The following TOX variants were observed in gnomAD, a reference collection of about 807,000 sequenced individuals.
TOX encodes thymocyte selection associated high mobility group box, also known as thymocyte selection-associated high mobility group box protein TOX.
TOX carries 11 observed loss-of-function variants against 53.7 expected under a neutral mutation model. The observed-to-expected ratio is 0.20, with a 90% CI of 0.13 to 0.34. The LOEUF is 0.34. Among genes scored for constraint, TOX ranks in the 10% least tolerant of loss-of-function variants. The pLI is 1.00. For synonymous variants in TOX, 225 were observed against 245.3 expected, an observed-to-expected ratio of 0.92 and a Z score of 0.77; for missense variants, 570 against 664.6, an observed-to-expected ratio of 0.86 and a Z score of 1.56.
At chr8:58,993,476 C>A (rs2129417553) in intron 1 of TOX, among the ~76,000 whole-genome samples, 1 of 152,254 alleles carries the variant, frequency 6.6e-6, no homozygotes, top group Admixed American at 6.5e-5. Flanking sequence ...AATCATTGCG[C>A]CAGACTGGGA....
chr8:59,071,152 G>A (rs1314900086), intron 1 of TOX, among the ~76,000 whole-genome samples: 1 of 152,138 alleles, frequency 6.6e-6, no homozygotes, highest in East Asian at 1.9e-4. Context: ...TAAAGTTAAC[G>A]CAGGTTTAGT....
intron 1 of TOX, among the ~76,000 whole-genome samples, chr8:59,043,521 C>T (rs768980754): frequency 3.3e-5 from 5 of 152,014 alleles, no homozygotes; most frequent in African/African-American, 4.8e-5. Flanking sequence ...TATAGCTAAA[C>T]TAATGTTCAT....
chr8:58,878,717 A>AT (rs975548829), intron 3 of TOX, among the ~76,000 whole-genome samples: 4 of 152,168 alleles, frequency 2.6e-5, no homozygotes, highest in African/African-American at 9.7e-5. Flanking sequence ...TTGTAAAGGC[A>AT]TTTTTTGAGA....
chr8:58,857,714 C>A (rs370115215), intron 3 of TOX, among the ~76,000 whole-genome samples: 7 of 152,106 alleles, frequency 4.6e-5, no homozygotes, highest in African/African-American at 1.7e-4. Context: ...AAACATGAGG[C>A]ACAATATTAG....
intron 3 of TOX, among the ~76,000 whole-genome samples, chr8:58,852,760 A>G (rs1489086029): frequency 1.3e-5 from 2 of 152,218 alleles, no homozygotes; most frequent in Admixed American, 6.5e-5. Flanking sequence ...GGTAGAGGGC[A>G]CACAAAACAA....
chr8:59,111,896 T>C (rs74927060), intron 1 of TOX, among the ~76,000 whole-genome samples: 2,766 of 152,220 alleles, frequency 0.018, 39 homozygotes, highest in Middle Eastern at 0.027. Context: ...AGCAGAACCA[T>C]TTAAATCTCC....
chr8:58,808,405 G>A (rs1314675083), intron 7 of TOX, 136 bp from the exon 8 acceptor site: 4 of 1,112,420 alleles, frequency 3.6e-6, no homozygotes, highest in African/African-American at 1.6e-5. Context: ...TGTCGGAAGA[G>A]CCCAGAAAAT....
intron 2 of TOX, among the ~76,000 whole-genome samples, chr8:58,958,479 G>A (rs1303240711): frequency 6.6e-6 from 1 of 152,220 alleles, no homozygotes; most frequent in East Asian, 1.9e-4. Flanking sequence ...GCACCAAAGA[G>A]ATGATACCAG....
At chr8:59,115,614 T>C (rs1362960240) in intron 1 of TOX, among the ~76,000 whole-genome samples, 1 of 152,224 alleles carries the variant, frequency 6.6e-6, no homozygotes, top group Non-Finnish European at 1.5e-5. Flanking sequence ...CATCTTTCAA[T>C]GTCTGAAATA....
intron 1 of TOX, among the ~76,000 whole-genome samples, chr8:59,066,495 C>T (rs1804096168): frequency 6.6e-6 from 1 of 152,160 alleles, no homozygotes; most frequent in Non-Finnish European, 1.5e-5. Context: ...GAAGTCAAAT[C>T]CCATAATATT....
rs1023306475 is a variant in TOX, at chr8:59,011,992, G to A, written c.103-51984C>T. 6.6e-5 allele frequency among the ~76,000 whole-genome samples: 10 copies of A among 152,208 alleles called. No homozygotes were observed. The East Asian group carries it at 1.9e-3, about 29-fold the overall frequency. ...GGGACAGAAGCTCAGTTACAACATG[G>A]CCTGACCTGACCTTTTTATGTTCAA... On this transcript the variant is annotated intron_variant, in intron 1 of 8. Coordinates refer to ENST00000361421, the MANE Select transcript of TOX (RefSeq NM_014729.3).
chr8:58,838,611 T>C (rs986921119), intron 4 of TOX, among the ~76,000 whole-genome samples: 17 of 151,960 alleles, frequency 1.1e-4, no homozygotes, highest in African/African-American at 3.9e-4. Flanking sequence ...TCTCTTACAC[T>C]GTAACTGTGT....
At position 58,851,450 on chromosome 8, in the gene TOX, C is replaced by T; in HGVS notation, c.693+74G>A. The T allele has an allele frequency of 3.3e-6, 5 of 1,533,268 alleles. No individual in the cohort carries two copies. The highest frequency in any genetic ancestry group is 1.2e-5 in the South Asian group (1 of 82,796). 95.0% of individuals were successfully genotyped at this position (1,533,268 alleles called of 1,614,324 possible). On this transcript the variant is annotated intron_variant, in intron 4 of 8. Transcript: ENST00000361421. This position sits in a 1 kb window ranked among gnomAD's most constrained non-coding sequence, Gnocchi z 4.4. ...ATGTTTCTCGCATGGATGATATAAA[C>T]TTGTACCCAGCACAGGTCAAAGAAG...
intron 1 of TOX, among the ~76,000 whole-genome samples, chr8:59,026,443 G>T (rs1814239996): frequency 2.6e-5 from 4 of 152,184 alleles, no homozygotes; most frequent in African/African-American, 9.6e-5. Context: ...AGGGCACAGG[G>T]ATGAGATTGA....
chr8:58,963,432 T>G (rs1381007381), intron 1 of TOX, among the ~76,000 whole-genome samples: 1 of 152,188 alleles, frequency 6.6e-6, no homozygotes, highest in Non-Finnish European at 1.5e-5. Flanking sequence ...CAGGTGGCTT[T>G]TAAAAATTAC....
chr8:59,093,965 T>G lies in TOX; in HGVS notation c.102+24921A>C, dbSNP rs117360727. 2.1e-3 allele frequency among the ~76,000 whole-genome samples: 314 copies of G among 152,264 alleles called. 8 individuals carry two copies. In the East Asian group the frequency reaches 0.057, roughly 28 times the overall value. On this transcript the variant is annotated intron_variant, in intron 1 of 8. Transcript: ENST00000361421. ...AGTATTTGCCTACAACATCGAAATATCAAGAGTGATGGCTGTATTAATGTA... is the reference window on the plus strand; with the variant it reads ...AGTATTTGCCTACAACATCGAAATAGCAAGAGTGATGGCTGTATTAATGTA...
intron 3 of TOX, among the ~76,000 whole-genome samples, chr8:58,899,170 A>G (rs962757489): frequency 4.6e-5 from 7 of 152,232 alleles, no homozygotes; most frequent in Non-Finnish European, 1.0e-4. Flanking sequence ...AAAGATCTGT[A>G]AGGTACAGGC....
intron 1 of TOX, among the ~76,000 whole-genome samples, chr8:59,108,689 CACACACAA>C (rs1360974399): frequency 1.3e-5 from 2 of 150,978 alleles, no homozygotes; most frequent in African/African-American, 4.9e-5. Context: ...CACACACATA[CACACACAA>C]GGTTATCAAA....
rs183323441 is a variant in TOX at position 59,081,816 on chromosome 8, T to C, written c.102+37070A>G. Among the ~76,000 whole-genome samples, 12 of 152,248 alleles carry C rather than the reference T, an allele frequency of 7.9e-5. 1 individual carries two copies. The East Asian group carries it at 1.5e-3, about 20-fold the overall frequency. Reference sequence around the variant, plus strand: ...TAACTCCATCCTGTTTTAAAAGCCATAGATAACTGACAATGGGACTTGATT... The same window carrying C: ...TAACTCCATCCTGTTTTAAAAGCCACAGATAACTGACAATGGGACTTGATT... On this transcript the variant is annotated intron_variant, in intron 1 of 8. Coordinates refer to ENST00000361421, the MANE Select transcript of TOX (RefSeq NM_014729.3).
Sources: allele counts gnomAD v4.1 joint callset (sites outside exome capture counted in the v4.1 genomes callset), GRCh38; gene constraint gnomAD v4.1.1; non-coding constraint Gnocchi (gnomAD v3.1); transcripts MANE v1.5; gene names NCBI Gene and HGNC (gene_info 2026-07-23, HGNC 2026-07-21).